The following SLC45A4 variants were observed in gnomAD, a reference collection of about 807,000 sequenced individuals.
SLC45A4 encodes the protein solute carrier family 45 member 4.
Under a neutral mutation model 63.7 loss-of-function variants are expected in SLC45A4, and 32 were observed. That is an observed-to-expected ratio of 0.50 (90% CI 0.38 to 0.67). SLC45A4 has a LOEUF of 0.67. Ranked by LOEUF, SLC45A4 falls within the 30% of genes least tolerant of loss-of-function variation. The pLI is 0.00. For synonymous variants in SLC45A4, 535 were observed against 510.0 expected (o/e 1.05, Z -0.66); for missense variants, 1,027 against 1,157.7 (o/e 0.89, Z 1.64).
At position 141,278,708 on chromosome 8, in the gene SLC45A4, C is replaced by A. The variant is rs941673593; in HGVS notation, c.-400-24079G>T. Among the ~76,000 whole-genome samples the A allele has an allele frequency of 2.6e-5, 4 of 152,272 alleles. No homozygotes were observed. The highest frequency in any genetic ancestry group is 7.2e-5 in the African/African-American group (3 of 41,480). The stretch of plus-strand genomic sequence containing the variant: ...TGTGAGTGAGCAGAAAAATGCAATG[C>A]AATCAGCTGACCAGAGAGGAAGCTG... On this transcript the variant is annotated intron_variant, in intron 1 of 8. Coordinates refer to ENST00000517878, the MANE Select transcript of SLC45A4 (RefSeq NM_001286646.2). The surrounding 1 kb of genome is among the most constrained non-coding windows in gnomAD (Gnocchi z 4.1).
chr8:141,227,239 C>A lies in SLC45A4; in HGVS notation c.242-5474G>T, dbSNP rs1397324609. 6.6e-6 allele frequency among the ~76,000 whole-genome samples: 1 copy of A among 151,988 alleles called. No homozygotes were observed. Among genetic ancestry groups the A allele is most frequent in the South Asian group, 2.1e-4 (1 of 4,822 alleles). Reference sequence around the variant, plus strand: ...GCCGCAGGCTGTGTGAGGTCACGGGCGACGCTCGGGTCACGTGTGGCGGCT... The same window carrying A: ...GCCGCAGGCTGTGTGAGGTCACGGGAGACGCTCGGGTCACGTGTGGCGGCT... On this transcript the variant is annotated intron_variant, in intron 2 of 8. Transcript: ENST00000517878. This position sits in a 1 kb window ranked among gnomAD's most constrained non-coding sequence, Gnocchi z 4.4.
intron 1 of SLC45A4, among the ~76,000 whole-genome samples, chr8:141,267,037 G>T (rs1309077818): frequency 6.6e-6 from 1 of 152,242 alleles, no homozygotes; most frequent in Non-Finnish European, 1.5e-5. Flanking sequence ...GGAGCCCCAG[G>T]ACAGCGGTGG....
intron 1 of SLC45A4, among the ~76,000 whole-genome samples, chr8:141,299,643 G>A (rs1038031946): frequency 6.6e-6 from 1 of 152,202 alleles, no homozygotes; most frequent in African/African-American, 2.4e-5. Context: ...GCCGTTTTAC[G>A]TAAGCAACAC....
intron 1 of SLC45A4, among the ~76,000 whole-genome samples, chr8:141,263,799 A>C (rs1829146409): frequency 6.6e-6 from 1 of 151,144 alleles, no homozygotes; most frequent in South Asian, 2.1e-4. Context: ...ATAATAATAA[A>C]AACAAAAAGA....
chr8:141,270,841 G>T (rs1365940634), intron 1 of SLC45A4, among the ~76,000 whole-genome samples: 3 of 152,020 alleles, frequency 2.0e-5, no homozygotes, highest in Non-Finnish European at 2.9e-5. Flanking sequence ...GGTCCCCACG[G>T]CACCACCAGC....
At chr8:141,238,059 C>T (rs754100731) in intron 2 of SLC45A4, among the ~76,000 whole-genome samples, 9 of 152,238 alleles carry the variant, frequency 5.9e-5, no homozygotes, top group Non-Finnish European at 1.2e-4. Flanking sequence ...TGCTGTCCAG[C>T]CCACATACGT....
intron 1 of SLC45A4, among the ~76,000 whole-genome samples, chr8:141,269,855 G>C (rs1048354465): frequency 2.6e-5 from 4 of 152,144 alleles, no homozygotes; most frequent in Admixed American, 1.3e-4. Flanking sequence ...AGGAAAATCT[G>C]GAAGGGCCCC....
At chr8:141,228,400 G>A (rs999315988) in intron 2 of SLC45A4, 21 of 1,464,628 alleles carry the variant, frequency 1.4e-5, no homozygotes, top group Middle Eastern at 5.1e-4. Context: ...CAAGCAGGAC[G>A]CTGGCGCTCC....
rs1220393326 is a variant in SLC45A4, at chr8:141,208,059, G to A, written c.*3513C>T. 3 of 152,280 alleles carry A rather than the reference G, an allele frequency of 2.0e-5. No individual in the cohort carries two copies. The highest frequency in any genetic ancestry group is 6.5e-5 in the Admixed American group (1 of 15,274). 9.4% of individuals were successfully genotyped at this position (152,280 alleles called of 1,614,324 possible). On this transcript the variant is annotated 3_prime_UTR_variant, in exon 9 of 9. Transcript: ENST00000517878. ...CGGAGGGACAAACGAGGCTGACTCC[G>A]CAGCAGCAGTCCCTCACACGCTGTG...
At chr8:141,240,732 C>T (rs1255757998) in intron 2 of SLC45A4, among the ~76,000 whole-genome samples, 3 of 152,176 alleles carry the variant, frequency 2.0e-5, no homozygotes, top group Non-Finnish European at 2.9e-5. Context: ...GGTGACAGAG[C>T]GAGACCCTGT....
intron 2 of SLC45A4, chr8:141,228,141 T>TG: frequency 6.2e-7 from 1 of 1,613,302 alleles, no homozygotes; most frequent in Non-Finnish European, 8.5e-7. Flanking sequence ...TGGAGTGATC[T>TG]GGGTGGAGGC....
chr8:141,299,149 C>T lies in SLC45A4; in HGVS notation c.-401+8947G>A, dbSNP rs149716958. ...CCCCTCACACACCCTGGTTACCACACGGAAGCAGAAGCTCCGAGCACTGGG... is the reference window on the plus strand; with the variant it reads ...CCCCTCACACACCCTGGTTACCACATGGAAGCAGAAGCTCCGAGCACTGGG... On this transcript the variant is annotated intron_variant, in intron 1 of 8. Coordinates refer to ENST00000517878, the MANE Select transcript of SLC45A4 (RefSeq NM_001286646.2). Among the ~76,000 whole-genome samples, 70 of 152,270 alleles carry T rather than the reference C, an allele frequency of 4.6e-4. 1 individual carries two copies. In the East Asian group the frequency reaches 9.9e-3, roughly 21 times the overall value.
At chr8:141,220,919 C>T (rs577794940) in intron 3 of SLC45A4, among the ~76,000 whole-genome samples, 2 of 152,370 alleles carry the variant, frequency 1.3e-5, no homozygotes, top group Admixed American at 6.5e-5. Flanking sequence ...CCCCCACACG[C>T]AGTCAGAGGC....
intron 1 of SLC45A4, among the ~76,000 whole-genome samples, chr8:141,283,191 A>G (rs979607123): frequency 2.6e-5 from 4 of 152,222 alleles, no homozygotes; most frequent in Admixed American, 6.5e-5. Flanking sequence ...GTCCTGAGCT[A>G]GATGCTAGAT....
intron 1 of SLC45A4, among the ~76,000 whole-genome samples, chr8:141,299,696 G>A (rs1231291956): frequency 5.9e-5 from 9 of 152,216 alleles, no homozygotes. Context: ...CTGGCTGGGA[G>A]CGGATTTGCA....
chr8:141,254,605 A>T lies in SLC45A4; in HGVS notation c.-376T>A. 1 of 701,658 alleles carries T rather than the reference A, an allele frequency of 1.4e-6. No homozygotes were observed. The highest frequency in any genetic ancestry group is 1.5e-5 in the South Asian group (1 of 67,526). The allele number at this position is 701,658 out of a possible 1,614,324, so 43.5% of individuals were successfully genotyped here. Reference sequence around the variant, plus strand: ...TGATACAAACAGGTGGTCCGCTGGTAATCCCCATCGAGTGACTGGATGATC... The same window carrying T: ...TGATACAAACAGGTGGTCCGCTGGTTATCCCCATCGAGTGACTGGATGATC... On this transcript the variant is annotated 5_prime_UTR_variant, in exon 2 of 9. Transcript: ENST00000517878. The surrounding 1 kb of genome is among the most constrained non-coding windows in gnomAD (Gnocchi z 4.5).
chr8:141,264,151 G>A (rs1443336910), intron 1 of SLC45A4, among the ~76,000 whole-genome samples: 1 of 152,244 alleles, frequency 6.6e-6, no homozygotes, highest in Non-Finnish European at 1.5e-5. Context: ...GCTACTGAAT[G>A]TTCAACCCAG....
intron 1 of SLC45A4, among the ~76,000 whole-genome samples, chr8:141,255,402 G>GC (rs1828726767): frequency 6.6e-6 from 1 of 152,152 alleles, no homozygotes; most frequent in Non-Finnish European, 1.5e-5. Flanking sequence ...TGTAGACCCT[G>GC]CCTGGAGAGG....
At chr8:141,223,384 T>C (rs1826777168) in intron 2 of SLC45A4, among the ~76,000 whole-genome samples, 1 of 152,202 alleles carries the variant, frequency 6.6e-6, no homozygotes, top group Non-Finnish European at 1.5e-5. Flanking sequence ...TTGTTAATAA[T>C]GATCCATCAG....
Sources: gnomAD v4.1 joint callset for allele counts (sites outside exome capture counted in the v4.1 genomes callset) on GRCh38, gnomAD v4.1.1 for gene constraint, Gnocchi (gnomAD v3.1) non-coding constraint, MANE v1.5 for transcripts, NCBI Gene and HGNC (gene_info 2026-07-23, HGNC 2026-07-21) for gene names.